Variants in ZFHX3 observed in about 807,000 individuals in gnomAD.
ZFHX3 encodes zinc finger homeobox protein 3.
In ZFHX3, 42 loss-of-function variants were observed where a neutral mutation model predicts 279.1. The ratio of observed to expected loss-of-function variants is 0.15; its 90% CI spans 0.12 to 0.19. The LOEUF is 0.19. ZFHX3 is among the 10% of genes least tolerant of loss of function. ZFHX3 has a pLI of 1.00. For synonymous variants in ZFHX3, 2,293 were observed against 1,957.8 expected (o/e 1.17, Z -4.52); for missense variants, 4,981 against 4,754.0 (o/e 1.05, Z -1.40).
chr16:72,847,640 T>C lies in ZFHX3; in HGVS notation c.3449-17781A>G, dbSNP rs377529691. On this transcript the variant is annotated intron_variant, in intron 4 of 9. Coordinates refer to ENST00000268489, the MANE Select transcript of ZFHX3 (RefSeq NM_006885.4). ...GATAAAGAAGGGGAGGGGTGGCAGGTAAAGGGAATCTCCCCAGAGGAGTGA... is the reference window on the plus strand; with the variant it reads ...GATAAAGAAGGGGAGGGGTGGCAGGCAAAGGGAATCTCCCCAGAGGAGTGA... 1.1e-4 allele frequency among the ~76,000 whole-genome samples: 16 copies of C among 152,070 alleles called. No homozygotes were observed. The East Asian group carries it at 2.5e-3, about 24-fold the overall frequency.
chr16:72,852,468 T>G (rs1443516777), intron 4 of ZFHX3, among the ~76,000 whole-genome samples: 1 of 152,182 alleles, frequency 6.6e-6, no homozygotes, highest in African/African-American at 2.4e-5. Flanking sequence ...ACTTCACATC[T>G]CTTAAGTGGA....
intron 1 of ZFHX3, among the ~76,000 whole-genome samples, chr16:72,983,320 G>T (rs1175287124): frequency 3.3e-5 from 5 of 152,208 alleles, no homozygotes; most frequent in African/African-American, 1.2e-4. Flanking sequence ...CAGAGGAAGG[G>T]TGGGGGCAGA....
chr16:73,336,969 C>T (rs1005927471), intron 3 of ZFHX3, among the ~76,000 whole-genome samples: 2 of 152,164 alleles, frequency 1.3e-5, no homozygotes, highest in African/African-American at 4.8e-5. Flanking sequence ...AGATTTAAGG[C>T]AGACCTACAA....
rs568336037 is a variant in ZFHX3 at position 72,921,594 on chromosome 16, G to A, written c.3216+28875C>T. The stretch of plus-strand genomic sequence containing the variant: ...TCTGATGAAAGCACCTTAACAGTAC[G>A]GTGAGAAGCATGATGGAGACAGTTG... On this transcript the variant is annotated intron_variant, in intron 3 of 9. Transcript: ENST00000268489. 6.2e-4 allele frequency among the ~76,000 whole-genome samples: 94 copies of A among 152,334 alleles called. 1 individual carries two copies. The highest frequency in any genetic ancestry group is 2.0e-3 in the African/African-American group (83 of 41,582).
In ZFHX3 at chr16:73,603,951, G is replaced by A. The variant is rs146100430; in HGVS notation, c.-1547+76229C>T. 6.1e-3 allele frequency among the ~76,000 whole-genome samples: 931 copies of A among 151,710 alleles called. 9 individuals are homozygous for A. Among genetic ancestry groups the A allele is most frequent in the African/African-American group, 0.021 (884 of 41,344 alleles). On this transcript the variant is annotated intron_variant, in intron 2 of 17. Coordinates refer to the ZFHX3 transcript ENST00000641206. ...GTGTCACCATGCCCAGCTAATTTTTGTATTTCCAGTAGAGATAGTGTTTCT... is the reference window on the plus strand; with the variant it reads ...GTGTCACCATGCCCAGCTAATTTTTATATTTCCAGTAGAGATAGTGTTTCT...
intron 1 of ZFHX3, among the ~76,000 whole-genome samples, chr16:73,035,826 C>T (rs1388698117): frequency 6.6e-6 from 1 of 152,218 alleles, no homozygotes; most frequent in Non-Finnish European, 1.5e-5. Flanking sequence ...ACTACTTGAA[C>T]CCAGGAGGAG....
chr16:73,080,562 G>A (rs950984131), intron 8 of ZFHX3, among the ~76,000 whole-genome samples: 4 of 152,080 alleles, frequency 2.6e-5, no homozygotes, highest in African/African-American at 9.7e-5. Context: ...AAACATTTAT[G>A]CCAGGTGACT....
chr16:73,861,193 T>A (rs548216317), intron 1 of ZFHX3, among the ~76,000 whole-genome samples: 107 of 152,200 alleles, frequency 7.0e-4, no homozygotes, highest in Non-Finnish European at 1.3e-3. Flanking sequence ...CTTGAACTCC[T>A]GGGCTCAAGT....
chr16:73,760,009 G>A (rs117512681), intron 1 of ZFHX3, among the ~76,000 whole-genome samples: 1 of 145,022 alleles, frequency 6.9e-6, no homozygotes, highest in East Asian at 2.0e-4. Flanking sequence ...TCCAGGAGCT[G>A]TTTTTTTTTA....
At position 73,645,418 on chromosome 16, in the gene ZFHX3, G is replaced by A. The variant is rs779767693; in HGVS notation, c.-1547+34762C>T. Among the ~76,000 whole-genome samples, 7 of 151,942 alleles carry A rather than the reference G, an allele frequency of 4.6e-5. No homozygotes were observed. In the South Asian group the frequency reaches 1.2e-3, roughly 27 times the overall value. On this transcript the variant is annotated intron_variant, in intron 2 of 17. Transcript: ENST00000641206. ...ACTACAGGCGCCCGCCGCCACACCCGGCTAATTTTTTGTATTTTTAGTAGA... is the reference window on the plus strand; with the variant it reads ...ACTACAGGCGCCCGCCGCCACACCCAGCTAATTTTTTGTATTTTTAGTAGA...
chr16:73,258,591 G>A (rs1348591148), intron 4 of ZFHX3, among the ~76,000 whole-genome samples: 11 of 151,920 alleles, frequency 7.2e-5, no homozygotes, highest in Non-Finnish European at 1.0e-4. Context: ...CTCGTGATCC[G>A]CCCACCTCAG....
At chr16:73,277,586 C>A (rs1286766071) in intron 4 of ZFHX3, among the ~76,000 whole-genome samples, 1 of 152,206 alleles carries the variant, frequency 6.6e-6, no homozygotes, top group Non-Finnish European at 1.5e-5. Flanking sequence ...CCAATGCAAG[C>A]ATTTCTGTCT....
intron 4 of ZFHX3, among the ~76,000 whole-genome samples, chr16:72,858,256 T>G (rs1178836691): frequency 6.6e-6 from 1 of 152,196 alleles, no homozygotes; most frequent in South Asian, 2.1e-4. Flanking sequence ...ACTTATTTAT[T>G]TATTTCTTCC....
At chr16:73,784,232 T>C (rs960467224) in intron 1 of ZFHX3, among the ~76,000 whole-genome samples, 2 of 151,924 alleles carry the variant, frequency 1.3e-5, no homozygotes, top group African/African-American at 4.8e-5. Flanking sequence ...CCATCATCTA[T>C]AAAAGGGGAA....
chr16:73,418,733 T>C (rs989866243), intron 3 of ZFHX3, among the ~76,000 whole-genome samples: 11 of 152,230 alleles, frequency 7.2e-5, no homozygotes, highest in Admixed American at 1.3e-4. Context: ...TGTTTGGTTG[T>C]GGCTGTTTCC....
Position 72,787,728 on chromosome 16 carries a change from G to GCCGCCACTGCCA in ZFHX3, c.10547_10548insTGGCAGTGGCGG (p.Gly3517_Gly3518insSerGlyGlyGly), listed in dbSNP as rs2035482752. 3 of 1,397,830 alleles carry GCCGCCACTGCCA rather than the reference G, an allele frequency of 2.1e-6. No individual in the cohort carries two copies. In the African/African-American group the frequency reaches 4.5e-5, roughly 21 times the overall value. 86.6% of individuals were successfully genotyped at this position (1,397,830 alleles called of 1,614,324 possible). ...CGCCGCCGCCGCCGCCACCGCCGCC[G>GCCGCCACTGCCA]CCGCCGCCACTGCCACCGCCGCCGC... On this transcript the variant is annotated inframe_insertion, in exon 10 of 10. Coordinates refer to ENST00000268489, the MANE Select transcript of ZFHX3 (RefSeq NM_006885.4).
intron 5 of ZFHX3, among the ~76,000 whole-genome samples, chr16:73,154,246 C>T (rs572119912): frequency 2.1e-4 from 32 of 152,266 alleles, no homozygotes; most frequent in Admixed American, 1.3e-3. Context: ...GGCCTTTCTT[C>T]GGTCAATGCA....
chr16:73,152,846 C>T (rs537262914), intron 5 of ZFHX3, among the ~76,000 whole-genome samples: 2 of 150,730 alleles, frequency 1.3e-5, no homozygotes, highest in African/African-American at 2.4e-5. Context: ...GGAGTAATCG[C>T]GAGAAGAGAG....
intron 2 of ZFHX3, among the ~76,000 whole-genome samples, chr16:73,616,428 GA>G (rs201127158): frequency 7.6e-4 from 97 of 128,198 alleles, no homozygotes; most frequent in Admixed American, 9.8e-4. Flanking sequence ...AACTATGGAG[GA>G]AAAAAAAAAA....
Sources: allele counts gnomAD v4.1 joint callset (sites outside exome capture counted in the v4.1 genomes callset), GRCh38; gene constraint gnomAD v4.1.1; transcripts MANE v1.5; gene names NCBI Gene and HGNC (gene_info 2026-07-23, HGNC 2026-07-21).